PLCG2: variants seen among roughly 807,000 people sequenced by gnomAD.
PLCG2 encodes the protein 1-phosphatidylinositol 4,5-bisphosphate phosphodiesterase gamma-2.
In PLCG2, 69 loss-of-function variants were observed where a neutral mutation model predicts 175.6. The observed-to-expected ratio is 0.39, with a 90% CI of 0.32 to 0.48. The LOEUF is 0.48. PLCG2 is among the 20% of genes least tolerant of loss of function. The pLI is 0.91. For missense variants in PLCG2, 1,798 were observed against 1,650.9 expected (o/e 1.09, Z -1.54); for synonymous variants, 827 against 624.0 (o/e 1.33, Z -4.85).
chr16:81,912,903 C>T (rs1197737431), intron 19 of PLCG2, among the ~76,000 whole-genome samples, 187 bp downstream of exon 19: 1 of 152,244 alleles, frequency 6.6e-6, no homozygotes, highest in Non-Finnish European at 1.5e-5. Flanking sequence ...CAGGCACAGT[C>T]TGCGTTCTCC....
chr16:81,842,895 G>C (rs1275858430), intron 2 of PLCG2: 1 of 151,192 alleles, frequency 6.6e-6, no homozygotes, highest in South Asian at 2.1e-4. Flanking sequence ...AGGGCTGAGG[G>C]AGGGTGGCTG....
chr16:81,856,872 G>A (rs1345974810), intron 3 of PLCG2, among the ~76,000 whole-genome samples: 1 of 152,152 alleles, frequency 6.6e-6, no homozygotes, highest in East Asian at 1.9e-4. Flanking sequence ...TACCCGGGAA[G>A]GTCATTCCCA....
chr16:81,844,659 T>A (rs1906018401), intron 2 of PLCG2, among the ~76,000 whole-genome samples: 2 of 152,256 alleles, frequency 1.3e-5, no homozygotes, highest in Non-Finnish European at 2.9e-5. Context: ...TAGGTGCTCG[T>A]GAACCTCGTA....
chr16:81,900,612 C>T lies in PLCG2; in HGVS notation c.1194C>T (p.Ser398=). Residue 398 remains serine (S), a splice_region_variant and synonymous_variant, in exon 14 of 33, where the codon AGC becomes AGT. Coordinates refer to ENST00000564138, the MANE Select transcript of PLCG2 (RefSeq NM_002661.5). ...GCTGCCCACCCTCTTCTGCCTGCAG[C>T]TTCCCAGTGATCCTGTCCATCGAGG... ...AIKDHAFVTS[S]FPVILSIEEH... is the part of the protein sequence containing the mutation. 1 of 1,587,960 alleles carries T rather than the reference C, an allele frequency of 6.3e-7. No homozygotes were observed. The highest frequency in any genetic ancestry group is 1.1e-5 in the South Asian group (1 of 90,176).
intron 1 of PLCG2, among the ~76,000 whole-genome samples, chr16:81,750,976 T>C (rs1328791261): frequency 9.1e-4 from 123 of 134,688 alleles, no homozygotes; most frequent in African/African-American, 3.3e-3. Context: ...CCCAGCTTTT[T>C]TTTTTTTTTT....
intron 32 of PLCG2, 145 bp from the exon 33 acceptor site, chr16:81,957,811 T>G (rs1911635955): frequency 3.0e-6 from 2 of 677,424 alleles, no homozygotes; most frequent in Non-Finnish European, 5.3e-6. Flanking sequence ...TACCAGGAAC[T>G]TGGAGTCTGC....
chr16:81,840,215 A>G (rs573021815), intron 2 of PLCG2, among the ~76,000 whole-genome samples: 33 of 152,184 alleles, frequency 2.2e-4, no homozygotes, highest in Non-Finnish European at 4.7e-4. Flanking sequence ...CCTGGAGAGC[A>G]TGCTTAGAAT....
chr16:81,844,680 A>G (rs1166279626), intron 2 of PLCG2, among the ~76,000 whole-genome samples: 3 of 152,234 alleles, frequency 2.0e-5, no homozygotes, highest in Non-Finnish European at 4.4e-5. Context: ...CAGCAGGTCT[A>G]TGATCTGGAT....
At position 81,927,183 on chromosome 16, in the gene PLCG2, G is replaced by T; in HGVS notation, c.2514+5G>T. The T allele has an allele frequency of 6.3e-7, 1 of 1,597,386 alleles. No homozygotes were observed. The highest frequency in any genetic ancestry group is 8.6e-7 in the Non-Finnish European group (1 of 1,164,842). ...TTCGAGGAGCTAGAAAAGCAGGTGA[G>T]TCCCCCTCTTCGATCCTCTTACAGG... On this transcript the variant is annotated splice_donor_5th_base_variant and intron_variant, in intron 23 of 32. Coordinates refer to ENST00000564138, the MANE Select transcript of PLCG2 (RefSeq NM_002661.5).
At chr16:81,851,809 C>T (rs142099020) in intron 2 of PLCG2, among the ~76,000 whole-genome samples, 3 of 152,158 alleles carry the variant, frequency 2.0e-5, no homozygotes, top group South Asian at 2.1e-4. Context: ...CACCAGTGCC[C>T]GGCTTGTTTT....
Position 81,786,084 on chromosome 16 carries a change from G to C in PLCG2, c.95G>C (p.Ser32Thr), listed in dbSNP as rs1238219389. The change falls in exon 2 of 33, where the codon AGC becomes ACC. Residue 32 changes from serine (S) to threonine (T), a missense_variant. Physicochemically the swap from Ser to Thr is moderately conservative, Grantham distance 58. Transcript: ENST00000564138. ...CTGGGGACGGTGATGACTGTGTTCAGCTTCCGCAAGTCCACCCCCGAGCGG... is the reference window on the plus strand; with the variant it reads ...CTGGGGACGGTGATGACTGTGTTCACCTTCCGCAAGTCCACCCCCGAGCGG... Reference protein sequence around the residue: ...LELGTVMTVFSFRKSTPERRT... With the variant: ...LELGTVMTVFTFRKSTPERRT... 1.2e-6 allele frequency: 2 copies of C among 1,614,226 alleles called. No homozygotes were observed. Among genetic ancestry groups the C allele is most frequent in the East Asian group, 2.2e-5 (1 of 44,884 alleles).
chr16:81,844,201 G>C (rs1012485807), intron 2 of PLCG2, among the ~76,000 whole-genome samples: 4 of 139,584 alleles, frequency 2.9e-5, no homozygotes, highest in African/African-American at 5.4e-5. Flanking sequence ...TCACGTGTTA[G>C]CCAGGATGGT....
At chr16:81,882,628 C>T (rs1908140860) in intron 8 of PLCG2, among the ~76,000 whole-genome samples, 4 of 152,098 alleles carry the variant, frequency 2.6e-5, no homozygotes, top group South Asian at 4.2e-4. Context: ...CCTGCGTTCC[C>T]TCGCTCCTAC....
At chr16:81,879,293 G>A (rs1249251927) in intron 7 of PLCG2, among the ~76,000 whole-genome samples, 2 of 152,166 alleles carry the variant, frequency 1.3e-5, no homozygotes, top group African/African-American at 4.8e-5. Flanking sequence ...CAGTAAATGA[G>A]TCCAAATAGC....
At chr16:81,940,129 A>AAAAG in intron 30 of PLCG2, 70 bp downstream of exon 30, 1 of 1,310,158 alleles carries the variant, frequency 7.6e-7, no homozygotes, top group African/African-American at 1.5e-5. Context: ...GCTGGCTTCA[A>AAAAG]AAAGAATGAA....
chr16:81,813,593 T>C (rs559292181), intron 2 of PLCG2, among the ~76,000 whole-genome samples: 93 of 152,330 alleles, frequency 6.1e-4, no homozygotes, highest in Non-Finnish European at 9.7e-4. Context: ...ACACAGGAGC[T>C]TAAAACAACA....
At chr16:81,950,358 C>T (rs1476136186) in intron 31 of PLCG2, among the ~76,000 whole-genome samples, 1 of 152,140 alleles carries the variant, frequency 6.6e-6, no homozygotes, top group African/African-American at 2.4e-5. Flanking sequence ...TGATAAAATG[C>T]TTGTTTTCTA....
chr16:81,900,849 C>A, intron 14 of PLCG2, 69 bp downstream of exon 14: 1 of 1,438,336 alleles, frequency 7.0e-7, no homozygotes, highest in South Asian at 1.3e-5. Context: ...GCTCTGGGTC[C>A]CGTTCACCAA....
intron 2 of PLCG2, among the ~76,000 whole-genome samples, chr16:81,843,232 G>T (rs1291024577): frequency 2.6e-5 from 4 of 152,284 alleles, no homozygotes; most frequent in African/African-American, 7.2e-5. Context: ...AACCCATGCA[G>T]ACAAAGCCCT....
Sources: allele counts gnomAD v4.1 joint callset (sites outside exome capture counted in the v4.1 genomes callset), GRCh38; gene constraint gnomAD v4.1.1; transcripts MANE v1.5; gene names NCBI Gene and HGNC (gene_info 2026-07-23, HGNC 2026-07-21).